Variants in PIK3CA observed in about 807,000 individuals in gnomAD.
PIK3CA encodes the protein phosphatidylinositol-4,5-bisphosphate 3-kinase catalytic subunit alpha, also known as phosphatidylinositol 4,5-bisphosphate 3-kinase catalytic subunit alpha isoform.
Under a neutral mutation model 138.2 loss-of-function variants are expected in PIK3CA, and 27 were observed. The observed-to-expected ratio is 0.20, with a 90% confidence interval of 0.14 to 0.27. The LOEUF (loss-of-function observed/expected upper bound fraction) is 0.27. PIK3CA is among the 10% of genes least tolerant of loss of function. The pLI, the probability that PIK3CA is intolerant of heterozygous loss-of-function variation, is 1.00. For missense variants in PIK3CA, 544 were observed against 1,277.4 expected (o/e 0.43, Z 8.75); for synonymous variants, 358 against 413.2 (o/e 0.87, Z 1.62).
At chr3:179,196,090 A>C (rs1724259235) in intron 1 of PIK3CA, among the ~76,000 whole-genome samples, 1 of 152,228 alleles carries the variant, frequency 6.6e-6, no homozygotes, top group African/African-American at 2.4e-5. Flanking sequence ...ACTACAGTAG[A>C]ATAAGGAATA....
At chr3:179,212,050 C>T (rs1372287298) in intron 9 of PIK3CA, among the ~76,000 whole-genome samples, 1 of 152,036 alleles carries the variant, frequency 6.6e-6, no homozygotes, top group Non-Finnish European at 1.5e-5. Context: ...TCTTGTTGCT[C>T]AGGCTAGAGT....
intron 9 of PIK3CA, among the ~76,000 whole-genome samples, chr3:179,216,770 T>G (rs1253069789): frequency 6.6e-6 from 1 of 152,152 alleles, no homozygotes; most frequent in Non-Finnish European, 1.5e-5. Context: ...AAAATTGTTT[T>G]CCCCATCACT....
chr3:179,237,407 T>C lies in PIK3CA; in HGVS notation c.*3043T>C, dbSNP rs566917398. The C allele has an allele frequency of 1.0e-5, 2 of 196,144 alleles. No individual in the cohort carries two copies. The highest frequency in any genetic ancestry group is 2.1e-5 in the Non-Finnish European group (2 of 94,506). 12.2% of individuals were successfully genotyped at this position (196,144 alleles called of 1,614,324 possible). The stretch of plus-strand genomic sequence containing the variant: ...AGAAAATGGGAACCTGGTGAATATA[T>C]AATGAATTGTAAAATATTTTAATGT... On this transcript the variant is annotated 3_prime_UTR_variant, in exon 21 of 21. Transcript: ENST00000263967.
Position 179,199,039 on chromosome 3 carries a change from A to G in PIK3CA, c.214A>G (p.Ser72Gly), listed in dbSNP as rs1560137176. 2 of 1,613,524 alleles carry G rather than the reference A, an allele frequency of 1.2e-6. No homozygotes were observed. Among genetic ancestry groups the G allele is most frequent in the Non-Finnish European group, 8.5e-7 (1 of 1,179,804 alleles). ...LQDESSYIFV[S>G]VTQEAEREEF... is the part of the protein sequence containing the mutation. Reference sequence around the variant, plus strand: ...AGATGAATCTTCTTACATTTTCGTAAGTGTTACTCAAGAAGCAGAAAGGGA... The same window carrying G: ...AGATGAATCTTCTTACATTTTCGTAGGTGTTACTCAAGAAGCAGAAAGGGA... Residue 72 changes from serine (S) to glycine (G), a missense_variant, in exon 2 of 21, where the codon AGT becomes GGT. Transcript: ENST00000263967.
intron 6 of PIK3CA, among the ~76,000 whole-genome samples, chr3:179,207,959 AG>A (rs1205305628): frequency 1.3e-5 from 2 of 152,200 alleles, no homozygotes; most frequent in Admixed American, 6.5e-5. Flanking sequence ...CTGAGGCAAG[AG>A]GATCACTTGA....
chr3:179,227,233 TA>T (rs1725104309), intron 17 of PIK3CA, among the ~76,000 whole-genome samples: 1 of 152,084 alleles, frequency 6.6e-6, no homozygotes, highest in African/African-American at 2.4e-5. Flanking sequence ...ATTATTTAAG[TA>T]AAATCATAAC....
chr3:179,236,231 AGCAT>A lies in PIK3CA; in HGVS notation c.*1869_*1872del, dbSNP rs1280915139. ...ATTGGAAATTTAGGTATTTCACTAA[AGCAT>A]GTATATAATATTGCCAACAAGAAAA... On this transcript the variant is annotated 3_prime_UTR_variant, in exon 21 of 21. Coordinates refer to ENST00000263967, the MANE Select transcript of PIK3CA (RefSeq NM_006218.4). 6 of 205,882 alleles carry A rather than the reference AGCAT, an allele frequency of 2.9e-5. No individual in the cohort carries two copies. Among genetic ancestry groups the A allele is most frequent in the Admixed American group, 1.2e-4 (2 of 16,752 alleles). The allele number at this position is 205,882 out of a possible 1,614,324, so 12.8% of individuals were successfully genotyped here. A position where few individuals can be genotyped will look rare whatever the true frequency, so the allele number is the denominator to read the frequency against.
chr3:179,151,471 A>G (rs1275546630), intron 1 of PIK3CA, among the ~76,000 whole-genome samples: 1 of 152,142 alleles, frequency 6.6e-6, no homozygotes, highest in Non-Finnish European at 1.5e-5. Flanking sequence ...GTGGTTTTCA[A>G]TCCTGGCTAC....
chr3:179,154,966 C>T (rs1240525736), intron 1 of PIK3CA, among the ~76,000 whole-genome samples: 2 of 152,048 alleles, frequency 1.3e-5, no homozygotes, highest in African/African-American at 4.8e-5. Flanking sequence ...TTTTAAAAAT[C>T]TATAAGAATT....
At chr3:179,171,154 T>G (rs1723549309) in intron 1 of PIK3CA, among the ~76,000 whole-genome samples, 1 of 148,482 alleles carries the variant, frequency 6.7e-6, no homozygotes, top group African/African-American at 2.5e-5. Context: ...ATAAGTAAAA[T>G]CCCCAAATAT....
chr3:179,212,013 TTTTG>T (rs1724724006), intron 9 of PIK3CA, among the ~76,000 whole-genome samples: 1 of 152,166 alleles, frequency 6.6e-6, no homozygotes, highest in African/African-American at 2.4e-5. Flanking sequence ...CTTTGTTTGT[TTTTG>T]TTTTTTTGAG....
At chr3:179,229,184 TAATAA>T (rs765655885) in intron 17 of PIK3CA, 83 bp from the exon 18 acceptor site, 8 of 1,022,656 alleles carry the variant, frequency 7.8e-6, no homozygotes, top group Non-Finnish European at 1.1e-5. Flanking sequence ...ACAAATTTAC[TAATAA>T]AATACTCATG....
intron 1 of PIK3CA, among the ~76,000 whole-genome samples, chr3:179,186,741 T>C (rs1723991550): frequency 6.6e-6 from 1 of 152,204 alleles, no homozygotes. Context: ...TCTCTTAGAG[T>C]TCCACAGGAG....
chr3:179,156,079 C>T (rs77576241), intron 1 of PIK3CA, among the ~76,000 whole-genome samples: 7,676 of 152,224 alleles, frequency 0.05, 252 homozygotes, highest in Middle Eastern at 0.19. Context: ...AGAGAGAAGA[C>T]AGTCTAGCTC....
rs199689419 is a variant in PIK3CA, at chr3:179,209,664, C to T, written c.1215C>T (p.Ser405=). Residue 405 remains serine (S), a synonymous_variant, in exon 7 of 21, where the codon TCC becomes TCT. Transcript: ENST00000263967. ...DLPRAARLCL[S]ICSVKGRKGA... The stretch of plus-strand genomic sequence containing the variant: ...CTCGTGCTGCTCGACTTTGCCTTTC[C>T]ATTTGCTCTGTTAAAGGCCGAAAGG... 1.5e-5 allele frequency: 24 copies of T among 1,611,744 alleles called. No homozygotes were observed. Among genetic ancestry groups the T allele is most frequent in the Non-Finnish European group, 2.0e-5 (24 of 1,178,562 alleles).
chr3:179,172,306 C>A (rs1221046836), intron 1 of PIK3CA, among the ~76,000 whole-genome samples: 1 of 151,888 alleles, frequency 6.6e-6, no homozygotes, highest in African/African-American at 2.4e-5. Flanking sequence ...TATAGTTTTC[C>A]ACTTAAGATG....
At chr3:179,227,214 T>C (rs4854906) in intron 17 of PIK3CA, among the ~76,000 whole-genome samples, 15,306 of 152,088 alleles carry the variant, frequency 0.1, 1,194 homozygotes, top group African/African-American at 0.21. Flanking sequence ...AGTTTAACTT[T>C]AGATTAAAAT....
chr3:179,190,247 C>A (rs2108378202), intron 1 of PIK3CA, among the ~76,000 whole-genome samples: 1 of 151,972 alleles, frequency 6.6e-6, no homozygotes, highest in South Asian at 2.1e-4. Flanking sequence ...GTTTTTCTAC[C>A]TGCTCTTCTA....
intron 1 of PIK3CA, among the ~76,000 whole-genome samples, chr3:179,153,919 C>T (rs1723070803): frequency 6.6e-6 from 1 of 152,190 alleles, no homozygotes; most frequent in Admixed American, 6.5e-5. Flanking sequence ...AGATTTCCAT[C>T]ATTCAAAAAG....
Sources: gnomAD v4.1 joint callset for allele counts (sites outside exome capture counted in the v4.1 genomes callset) on GRCh38, gnomAD v4.1.1 for gene constraint, MANE v1.5 for transcripts, NCBI Gene and HGNC (gene_info 2026-07-23, HGNC 2026-07-21) for gene names.